The following ATP9B variants were observed in gnomAD, a reference collection of about 807,000 sequenced individuals.
The protein encoded by ATP9B is probable phospholipid-transporting ATPase IIB.
A neutral mutation model predicts 146.1 loss-of-function variants in ATP9B; 110 were observed. That is an observed-to-expected ratio of 0.75 (90% CI 0.65 to 0.88). The LOEUF (loss-of-function observed/expected upper bound fraction) is 0.88, where lower values mean the gene tolerates loss of function less well. Ranked by LOEUF, ATP9B falls within the 40% of genes least tolerant of loss-of-function variation. ATP9B has a pLI of 0.00. For synonymous variants in ATP9B, 604 were observed against 569.7 expected, an observed-to-expected ratio of 1.06 and a Z score of -0.86; for missense variants, 1,499 against 1,496.4, an observed-to-expected ratio of 1.00 and a Z score of -0.03.
intron 20 of ATP9B, 27 bp downstream of exon 20, chr18:79,342,393 A>G: frequency 6.8e-7 from 1 of 1,479,274 alleles, no homozygotes; most frequent in Non-Finnish European, 9.4e-7. Flanking sequence ...ATCACTTTGA[A>G]TTTTTAAACA....
intron 7 of ATP9B, among the ~76,000 whole-genome samples, chr18:79,157,994 T>C (rs1166818960): frequency 6.6e-6 from 1 of 152,186 alleles, no homozygotes; most frequent in Non-Finnish European, 1.5e-5. Flanking sequence ...CTTGTTTTTC[T>C]GTTCTTTATT....
At chr18:79,220,508 G>A (rs1224940245) in intron 11 of ATP9B, among the ~76,000 whole-genome samples, 1 of 152,120 alleles carries the variant, frequency 6.6e-6, no homozygotes, top group African/African-American at 2.4e-5. Context: ...GGCTGAGGTG[G>A]GTGGATCGCC....
rs1167837775 is a variant in ATP9B at position 79,374,105 on chromosome 18, A to C, written c.3274+4A>C. On this transcript the variant is annotated splice_donor_region_variant and intron_variant, in intron 28 of 29. Coordinates refer to ENST00000426216, the MANE Select transcript of ATP9B (RefSeq NM_198531.5). ...GCTTTTCTCAATGAATATTTTGGTA[A>C]GTTGCCTTGGAATTGTTTTTTGAAT... is the stretch of plus-strand genomic sequence containing the variant. The C allele has an allele frequency of 3.7e-6, 6 of 1,613,680 alleles. No individual in the cohort carries two copies. The highest frequency in any genetic ancestry group is 5.1e-6 in the Non-Finnish European group (6 of 1,179,870).
At chr18:79,284,363 G>A (rs1239811818) in intron 13 of ATP9B, among the ~76,000 whole-genome samples, 1 of 152,164 alleles carries the variant, frequency 6.6e-6, no homozygotes, top group African/African-American at 2.4e-5. Context: ...GTTTGGGCCA[G>A]TTGAGATATT....
intron 12 of ATP9B, chr18:79,254,213 C>T (rs2096057542): frequency 6.6e-6 from 1 of 152,276 alleles, no homozygotes; most frequent in African/African-American, 2.4e-5. Context: ...AGAATATCTA[C>T]CTTTTGTAAC....
chr18:79,195,541 T>C (rs2095410231), intron 9 of ATP9B, among the ~76,000 whole-genome samples: 2 of 152,224 alleles, frequency 1.3e-5, no homozygotes, highest in South Asian at 4.1e-4. Flanking sequence ...ACAAGCCTGA[T>C]TTAAATGTTA....
intron 15 of ATP9B, among the ~76,000 whole-genome samples, chr18:79,320,900 G>A (rs114374664): frequency 0.015 from 2,332 of 152,128 alleles, 65 homozygotes; most frequent in African/African-American, 0.054. Flanking sequence ...GGAAACCTCC[G>A]GATGCTGTGG....
intron 17 of ATP9B, among the ~76,000 whole-genome samples, chr18:79,334,146 A>G (rs969588676): frequency 9.2e-5 from 14 of 152,170 alleles, no homozygotes; most frequent in South Asian, 2.1e-4. Flanking sequence ...TGATGAGGTC[A>G]GGAGAGCAAG....
At chr18:79,346,426 CGTCAGCACGTGCTCAGCGCACA>C (rs1460010769) in intron 23 of ATP9B, among the ~76,000 whole-genome samples, 1 of 151,746 alleles carries the variant, frequency 6.6e-6, no homozygotes, top group African/African-American at 2.4e-5. Context: ...GGTCAGCGCA[CGTCAGCACGTGCTCAGCGCACA>C]GTCAGCACAC....
chr18:79,293,431 G>A (rs746816573), intron 13 of ATP9B, among the ~76,000 whole-genome samples: 2 of 152,236 alleles, frequency 1.3e-5, no homozygotes, highest in African/African-American at 4.8e-5. Flanking sequence ...ATTAATGGGT[G>A]AATGGATCAG....
intron 26 of ATP9B, among the ~76,000 whole-genome samples, chr18:79,366,553 G>C (rs1274333635): frequency 6.6e-6 from 1 of 152,148 alleles, no homozygotes; most frequent in African/African-American, 2.4e-5. Context: ...TAGAAATGAA[G>C]GGCTGGATTG....
rs540387605 is a variant in ATP9B, at chr18:79,278,677, G to A, written c.1411+1481G>A. ...TTGGATTTGTGTTTGAGTTCCATTA[G>A]ACTTTGTCTTGTGAGAGGTTGAGGA... On this transcript the variant is annotated intron_variant, in intron 13 of 29. Transcript: ENST00000426216. 4.6e-5 allele frequency among the ~76,000 whole-genome samples: 7 copies of A among 152,238 alleles called. No homozygotes were observed. In the East Asian group the frequency reaches 1.4e-3, roughly 30 times the overall value.
At chr18:79,278,911 T>C (rs1477945247) in intron 13 of ATP9B, among the ~76,000 whole-genome samples, 1 of 151,932 alleles carries the variant, frequency 6.6e-6, no homozygotes, top group African/African-American at 2.4e-5. Context: ...GATCCAGAAA[T>C]TGAGTTATTT....
intron 9 of ATP9B, among the ~76,000 whole-genome samples, chr18:79,197,478 C>A (rs2095427454): frequency 1.3e-5 from 2 of 151,782 alleles, no homozygotes; most frequent in African/African-American, 2.4e-5. Context: ...AAAAATAGAA[C>A]CTTAAAGCCA....
intron 14 of ATP9B, among the ~76,000 whole-genome samples, chr18:79,304,728 G>A (rs115913937): frequency 6.6e-6 from 1 of 152,146 alleles, no homozygotes; most frequent in Non-Finnish European, 1.5e-5. Context: ...TGGCCCTGAG[G>A]AGTGTTTCCT....
intron 17 of ATP9B, among the ~76,000 whole-genome samples, chr18:79,332,031 G>A (rs2096792759): frequency 6.6e-6 from 1 of 152,208 alleles, no homozygotes; most frequent in African/African-American, 2.4e-5. Context: ...GTTGAACGAA[G>A]CCATACTAAT....
chr18:79,215,002 G>A (rs890888082), intron 11 of ATP9B, among the ~76,000 whole-genome samples: 4 of 152,092 alleles, frequency 2.6e-5, no homozygotes, highest in African/African-American at 9.7e-5. Context: ...ACAAAAATTA[G>A]CTGGGCATGA....
In ATP9B at chr18:79,253,365, T is replaced by C. The variant is rs1448123449; in HGVS notation, c.1108-16T>C. Reference sequence around the variant, plus strand: ...TTGTGGTTAGCTTGTTCATGTATTATGTGTTTTTCTTTCAGGTTGGTTTGT... The same window carrying C: ...TTGTGGTTAGCTTGTTCATGTATTACGTGTTTTTCTTTCAGGTTGGTTTGT... On this transcript the variant is annotated splice_polypyrimidine_tract_variant and intron_variant, in intron 11 of 29. Coordinates refer to ENST00000426216, the MANE Select transcript of ATP9B (RefSeq NM_198531.5). 4 of 1,603,798 alleles carry C rather than the reference T, an allele frequency of 2.5e-6. No homozygotes were observed. The highest frequency in any genetic ancestry group is 3.4e-6 in the Non-Finnish European group (4 of 1,176,888).
At chr18:79,259,413 CAG>C (rs57314422) in intron 12 of ATP9B, among the ~76,000 whole-genome samples, 19,431 of 152,146 alleles carry the variant, frequency 0.13, 1,358 homozygotes, top group African/African-American at 0.15. Context: ...AGTGCTGGGT[CAG>C]AGTGTTTTTA....
Sources: allele counts gnomAD v4.1 joint callset (sites outside exome capture counted in the v4.1 genomes callset), GRCh38; gene constraint gnomAD v4.1.1; transcripts MANE v1.5; gene names NCBI Gene and HGNC (gene_info 2026-07-23, HGNC 2026-07-21).